Variants in PCGF5 observed in about 807,000 individuals in gnomAD.
The protein encoded by PCGF5 is polycomb group ring finger 5, also known as polycomb group RING finger protein 5.
PCGF5 carries 9 observed loss-of-function variants against 44.3 expected under a neutral mutation model. The ratio of observed to expected loss-of-function variants is 0.20; its 90% confidence interval spans 0.12 to 0.35. PCGF5 has a LOEUF of 0.35. Among genes scored for constraint, PCGF5 ranks in the 10% least tolerant of loss-of-function variants. PCGF5 has a pLI of 1.00. For synonymous variants in PCGF5, 95 were observed against 102.5 expected (o/e 0.93, Z 0.44); for missense variants, 146 against 305.3 (o/e 0.48, Z 3.89).
chr10:91,181,568 A>C (rs1230848365), intron 1 of PCGF5, among the ~76,000 whole-genome samples: 2 of 152,174 alleles, frequency 1.3e-5, no homozygotes, highest in South Asian at 4.1e-4. Flanking sequence ...TTAAACATGA[A>C]TGGATGTTGA....
At chr10:91,216,328 G>A (rs374490603), upstream of PCGF5, among the ~76,000 whole-genome samples, 11 of 152,312 alleles carry the variant, frequency 7.2e-5, no homozygotes, top group East Asian at 1.7e-3. Flanking sequence ...CAGAGGTGGG[G>A]AAGGGTGAGG....
chr10:91,283,646 T>G lies in PCGF5; in HGVS notation c.*5330T>G, dbSNP rs2133494982. 1 of 151,786 alleles carries G rather than the reference T, an allele frequency of 6.6e-6. No individual in the cohort carries two copies. The highest frequency in any genetic ancestry group is 2.1e-4 in the South Asian group (1 of 4,772). The allele number at this position is 151,786 out of a possible 1,614,324, so 9.4% of individuals were successfully genotyped here. On this transcript the variant is annotated 3_prime_UTR_variant, in exon 10 of 10. Coordinates refer to ENST00000336126, the MANE Select transcript of PCGF5 (RefSeq NM_032373.5). ...TGTTCTTTTGTTGTATTTTTTAGAA[T>G]GGGGGTGGGGGCCTAAGTGTCCTTA...
intron 1 of PCGF5, among the ~76,000 whole-genome samples, chr10:91,195,482 A>ATG (rs765057978): frequency 1.5e-4 from 15 of 97,038 alleles, no homozygotes. Flanking sequence ...ATATATATAT[A>ATG]TATAGAGAGA....
In PCGF5 at chr10:91,248,708, T is replaced by C; in HGVS notation, c.309T>C (p.Pro103=). Residue 103 remains proline (P), a synonymous_variant, in exon 5 of 10, where the codon CCT becomes CCC. Coordinates refer to ENST00000336126, the MANE Select transcript of PCGF5 (RefSeq NM_032373.5). ...RESEFWKKNK[P]QENGQDDTSK... is the part of the protein sequence containing the mutation. ...CTGAATTTTGGAAGAAAAATAAGCCTCAAGAAAATGGACAAGGTGACTTTT... is the reference window on the plus strand; with the variant it reads ...CTGAATTTTGGAAGAAAAATAAGCCCCAAGAAAATGGACAAGGTGACTTTT... The C allele has an allele frequency of 4.4e-6, 7 of 1,608,752 alleles. No individual in the cohort carries two copies. Among genetic ancestry groups the C allele is most frequent in the Non-Finnish European group, 5.9e-6 (7 of 1,177,668 alleles).
At chr10:91,263,211 A>C (rs1245540571) in intron 7 of PCGF5, among the ~76,000 whole-genome samples, 6 of 152,236 alleles carry the variant, frequency 3.9e-5, no homozygotes, top group Admixed American at 6.5e-5. Context: ...GGGGCAAGAT[A>C]GTTTAGTTGT....
At chr10:91,244,308 C>A (rs945668968) in intron 3 of PCGF5, among the ~76,000 whole-genome samples, 5 of 152,076 alleles carry the variant, frequency 3.3e-5, no homozygotes, top group African/African-American at 1.2e-4. Context: ...GAAAGCATGC[C>A]TATTCCAGGT....
chr10:91,248,786 T>G lies in PCGF5; in HGVS notation c.325+62T>G, dbSNP rs984548015. ...TTAAACTGGTCAGCTTTTCATAGTT[T>G]AGGTGAACTAATATGTCTCTTCAGG... On this transcript the variant is annotated intron_variant, in intron 5 of 9. Coordinates refer to ENST00000336126, the MANE Select transcript of PCGF5 (RefSeq NM_032373.5). The G allele has an allele frequency of 4.5e-6, 6 of 1,343,952 alleles. No homozygotes were observed. The African/African-American group carries it at 5.9e-5, about 13-fold the overall frequency. 83.3% of individuals were successfully genotyped at this position (1,343,952 alleles called of 1,614,324 possible).
upstream of PCGF5, among the ~76,000 whole-genome samples, chr10:91,218,563 G>A (rs1398112204): frequency 6.6e-6 from 1 of 152,124 alleles, no homozygotes; most frequent in African/African-American, 2.4e-5. Context: ...CTTACAATCT[G>A]CATACACATC....
At chr10:91,253,038 T>C (rs534520647) in intron 6 of PCGF5, among the ~76,000 whole-genome samples, 1 of 152,066 alleles carries the variant, frequency 6.6e-6, no homozygotes, top group Admixed American at 6.6e-5. Flanking sequence ...TTCTTCCTTT[T>C]TTTCCTGTGG....
At chr10:91,215,376 T>C (rs1011038993), upstream of PCGF5, among the ~76,000 whole-genome samples, 1 of 152,370 alleles carries the variant, frequency 6.6e-6, no homozygotes, top group Non-Finnish European at 1.5e-5. Flanking sequence ...CAGATTCTTC[T>C]TAATATGCAT....
chr10:91,173,162 T>G (rs1843641385), intron 1 of PCGF5, among the ~76,000 whole-genome samples: 1 of 152,252 alleles, frequency 6.6e-6, no homozygotes, highest in Non-Finnish European at 1.5e-5. Flanking sequence ...CCATATGGGA[T>G]GCAACACACA....
chr10:91,261,839 G>A (rs935032793), intron 7 of PCGF5, among the ~76,000 whole-genome samples: 2 of 152,162 alleles, frequency 1.3e-5, no homozygotes, highest in Non-Finnish European at 2.9e-5. Flanking sequence ...AATTTCATAA[G>A]TAATCACATT....
chr10:91,227,769 A>C, intron 2 of PCGF5: 2 of 996,710 alleles, frequency 2.0e-6, no homozygotes, highest in South Asian at 4.4e-5. Flanking sequence ...CTCCCCTACC[A>C]CCTAACACTC....
rs148751751 is a variant in PCGF5 at position 91,188,709 on chromosome 10, G to A, written c.-184+25628G>A. On this transcript the variant is annotated intron_variant, in intron 1 of 9. Transcript: ENST00000614189. ...CCCTCTTGCCCCTTAGGAATCTTCT[G>A]CCAGAGTCCTCTGTTATGGAGGTAG... Among the ~76,000 whole-genome samples, 796 of 152,150 alleles carry A rather than the reference G, an allele frequency of 5.2e-3. 7 individuals carry two copies. The highest frequency in any genetic ancestry group is 0.018 in the African/African-American group (745 of 41,500).
At chr10:91,267,620 A>G (rs1846078428) in intron 8 of PCGF5, among the ~76,000 whole-genome samples, 1 of 152,094 alleles carries the variant, frequency 6.6e-6, no homozygotes, top group African/African-American at 2.4e-5. Flanking sequence ...TAAATTTTCA[A>G]TTTTTGTTCA....
chr10:91,174,721 A>C (rs1240430706), intron 1 of PCGF5, among the ~76,000 whole-genome samples: 1 of 152,220 alleles, frequency 6.6e-6, no homozygotes, highest in Non-Finnish European at 1.5e-5. Context: ...ATGTCTGTAA[A>C]ATACAGAAAA....
At chr10:91,182,883 A>C (rs1262450329) in intron 1 of PCGF5, among the ~76,000 whole-genome samples, 1 of 152,182 alleles carries the variant, frequency 6.6e-6, no homozygotes, top group East Asian at 1.9e-4. Flanking sequence ...ACTCCAAAGT[A>C]ATTCAGGAGC....
intron 1 of PCGF5, among the ~76,000 whole-genome samples, chr10:91,171,832 A>G (rs1285475015): frequency 6.6e-6 from 1 of 152,156 alleles, no homozygotes; most frequent in African/African-American, 2.4e-5. Flanking sequence ...GACACAGGCC[A>G]ATGGAGGTAG....
At chr10:91,272,272 A>T (rs1846197767) in intron 9 of PCGF5, among the ~76,000 whole-genome samples, 1 of 152,244 alleles carries the variant, frequency 6.6e-6, no homozygotes, top group South Asian at 2.1e-4. Context: ...ACAAGGGTAT[A>T]GTAAAGATTA....
Sources: gnomAD v4.1 joint callset for allele counts (sites outside exome capture counted in the v4.1 genomes callset) on GRCh38, gnomAD v4.1.1 for gene constraint, MANE v1.5 for transcripts, NCBI Gene and HGNC (gene_info 2026-07-23, HGNC 2026-07-21) for gene names.